Variants in DNAH6 observed in about 807,000 individuals in gnomAD.
DNAH6 encodes the protein dynein axonemal heavy chain 6, also known as axonemal beta dynein heavy chain 6.
DNAH6 carries 340 observed loss-of-function variants against 491.4 expected under a neutral mutation model. The observed-to-expected ratio is 0.69, with a 90% CI of 0.63 to 0.76. DNAH6 has a LOEUF of 0.76. DNAH6 is among the 30% of genes least tolerant of loss of function. The pLI, the probability that DNAH6 is intolerant of heterozygous loss-of-function variation, is 0.00. For synonymous variants in DNAH6, 1,603 were observed against 1,686.1 expected (o/e 0.95, Z 1.21); for missense variants, 4,443 against 4,972.2 (o/e 0.89, Z 3.20).
At chr2:84,715,710 A>G (rs777833433) in intron 58 of DNAH6, 83 bp downstream of exon 58, 2 of 1,347,986 alleles carry the variant, frequency 1.5e-6, no homozygotes, top group Non-Finnish European at 2.1e-6. Flanking sequence ...GACAAAGACA[A>G]TGTTCTGCTG....
Position 84,701,056 on chromosome 2 carries a change from A to G in DNAH6, c.7819-41A>G, listed in dbSNP as rs866945951. The G allele has an allele frequency of 1.0e-5, 16 of 1,540,670 alleles. No homozygotes were observed. The Middle Eastern group carries it at 8.4e-4, about 81-fold the overall frequency. On this transcript the variant is annotated intron_variant, in intron 48 of 76. Coordinates refer to ENST00000389394, the MANE Select transcript of DNAH6 (RefSeq NM_001370.2). ...TTGGTATTAAACTGTATGTTATTGA[A>G]ATGACACAACAGATTTTCTAGATTT... is the stretch of plus-strand genomic sequence containing the variant.
intron 63 of DNAH6, among the ~76,000 whole-genome samples, chr2:84,756,981 T>G (rs563521580): frequency 1.3e-5 from 2 of 152,238 alleles, no homozygotes; most frequent in East Asian, 3.9e-4. Flanking sequence ...AGCAAAGAAC[T>G]TGGTGATAAA....
chr2:84,510,463 T>C, the DNAH6 span, among the ~76,000 whole-genome samples: 1 of 152,196 alleles, frequency 6.6e-6, no homozygotes, highest in Non-Finnish European at 1.5e-5. Context: ...GGTTATTTAG[T>C]TAGCCATTCG....
intron 71 of DNAH6, among the ~76,000 whole-genome samples, chr2:84,806,251 G>T (rs1298511557): frequency 6.6e-6 from 1 of 152,172 alleles, no homozygotes; most frequent in African/African-American, 2.4e-5. Context: ...TCCTGCTGTA[G>T]AATCCATTTA....
chr2:84,781,008 G>T (rs1483139198), intron 64 of DNAH6, among the ~76,000 whole-genome samples: 1 of 152,034 alleles, frequency 6.6e-6, no homozygotes, highest in Non-Finnish European at 1.5e-5. Flanking sequence ...ACTGTTTTTT[G>T]ACCTAGGTGG....
chr2:84,642,555 C>G (rs1302918824), intron 33 of DNAH6, among the ~76,000 whole-genome samples: 1 of 152,130 alleles, frequency 6.6e-6, no homozygotes, highest in Non-Finnish European at 1.5e-5. Context: ...TTTATTTATT[C>G]TGCTATCCCC....
At chr2:84,537,380 A>G (rs1160219508) in intron 4 of DNAH6, among the ~76,000 whole-genome samples, 1 of 151,952 alleles carries the variant, frequency 6.6e-6, no homozygotes, top group Non-Finnish European at 1.5e-5. Flanking sequence ...ATTGCAAGAG[A>G]TGCTGGCTCC....
At chr2:84,551,918 G>T (rs926463165) in intron 9 of DNAH6, among the ~76,000 whole-genome samples, 2 of 151,990 alleles carry the variant, frequency 1.3e-5, no homozygotes, top group Non-Finnish European at 2.9e-5. Flanking sequence ...CATGGTGGTG[G>T]GTGCCTATAA....
chr2:84,645,924 G>T (rs904439040), intron 33 of DNAH6, among the ~76,000 whole-genome samples: 2 of 152,088 alleles, frequency 1.3e-5, no homozygotes, highest in African/African-American at 4.8e-5. Flanking sequence ...GACTGTCTGT[G>T]TCTCCAAAGT....
chr2:84,664,760 T>C (rs1691906131), intron 37 of DNAH6, among the ~76,000 whole-genome samples: 1 of 152,240 alleles, frequency 6.6e-6, no homozygotes, highest in African/African-American at 2.4e-5. Context: ...AATAGACATC[T>C]ACAGAACTCT....
rs2104757217 is a variant in DNAH6 at position 84,686,569 on chromosome 2, A to G, written c.7137+12A>G. ...GAGATTTCATTAAGGCAAGTATGTT[A>G]GATTGACTTGACCTCATTTGAAAAT... On this transcript the variant is annotated intron_variant, in intron 44 of 76. Coordinates refer to ENST00000389394, the MANE Select transcript of DNAH6 (RefSeq NM_001370.2). The G allele has an allele frequency of 7.1e-7, 1 of 1,403,118 alleles. No individual in the cohort carries two copies. The highest frequency in any genetic ancestry group is 9.8e-7 in the Non-Finnish European group (1 of 1,021,020). The allele number at this position is 1,403,118 out of a possible 1,614,324, so 86.9% of individuals were successfully genotyped here. A position where few individuals can be genotyped will look rare whatever the true frequency, so the allele number is the denominator to read the frequency against.
intron 44 of DNAH6, among the ~76,000 whole-genome samples, chr2:84,686,879 A>G (rs568011916): frequency 1.3e-5 from 2 of 152,350 alleles, no homozygotes; most frequent in South Asian, 4.1e-4. Flanking sequence ...CTTTACAGAA[A>G]AAGTTTGCTG....
At chr2:84,642,105 A>G in intron 33 of DNAH6, 51 bp downstream of exon 33, 1 of 1,168,170 alleles carries the variant, frequency 8.6e-7, no homozygotes, top group South Asian at 1.4e-5. Context: ...GTAGAGGCAA[A>G]TGGTAGTCTT....
At chr2:84,787,665 G>A (rs1304463218) in intron 68 of DNAH6, among the ~76,000 whole-genome samples, 1 of 152,150 alleles carries the variant, frequency 6.6e-6, no homozygotes, top group African/African-American at 2.4e-5. Context: ...GAAAACTGAG[G>A]CACACCATTT....
At chr2:84,818,639 TAAC>T (rs1420646053) in intron 76 of DNAH6, among the ~76,000 whole-genome samples, 2 of 152,042 alleles carry the variant, frequency 1.3e-5, no homozygotes, top group African/African-American at 4.8e-5. Flanking sequence ...CTGGGAAACT[TAAC>T]AGGACAAACA....
intron 52 of DNAH6, among the ~76,000 whole-genome samples, chr2:84,706,098 C>T (rs1393840989): frequency 1.3e-5 from 2 of 152,176 alleles, no homozygotes; most frequent in Non-Finnish European, 2.9e-5. Flanking sequence ...TTAGAACCAG[C>T]TTAACCCTGT....
chr2:84,737,238 T>G (rs1699597870), intron 62 of DNAH6, among the ~76,000 whole-genome samples: 2 of 152,140 alleles, frequency 1.3e-5, no homozygotes, highest in African/African-American at 4.8e-5. Context: ...GTTAGTATTT[T>G]GTTGAAGATT....
At chr2:84,593,870 C>A in intron 16 of DNAH6, 102 bp from the exon 17 acceptor site, 9 of 467,714 alleles carry the variant, frequency 1.9e-5, no homozygotes, top group Non-Finnish European at 2.5e-5. Context: ...GATGCACATT[C>A]TTCCAAGCAA....
At chr2:84,682,768 A>T (rs1053628327) in intron 42 of DNAH6, among the ~76,000 whole-genome samples, 3 of 152,064 alleles carry the variant, frequency 2.0e-5, no homozygotes, top group Admixed American at 2.0e-4. Context: ...TCACCACTCC[A>T]TCCACTACCC....
Sources: gnomAD v4.1 joint callset for allele counts (sites outside exome capture counted in the v4.1 genomes callset) on GRCh38, gnomAD v4.1.1 for gene constraint, MANE v1.5 for transcripts, NCBI Gene and HGNC (gene_info 2026-07-23, HGNC 2026-07-21) for gene names.